Variants in ZFAND4 observed in about 807,000 individuals in gnomAD.
The protein encoded by ZFAND4 is zinc finger AN1-type containing 4, also known as AN1-type zinc finger protein 4.
In ZFAND4, 43 loss-of-function variants were observed where a neutral mutation model predicts 64.4. That is an observed-to-expected ratio of 0.67 (90% CI 0.52 to 0.86). The LOEUF (loss-of-function observed/expected upper bound fraction) is 0.86, where lower values mean the gene tolerates loss of function less well. Among genes scored for constraint, ZFAND4 ranks in the 40% least tolerant of loss-of-function variants. The pLI is 0.00. For missense variants in ZFAND4, 929 were observed against 859.8 expected (o/e 1.08, Z -1.01); for synonymous variants, 296 against 305.7 (o/e 0.97, Z 0.33).
Position 45,644,673 on chromosome 10 carries a change from T to C in ZFAND4, c.569+3621A>G, listed in dbSNP as rs74346605. Among the ~76,000 whole-genome samples the C allele has an allele frequency of 8.3e-3, 1,261 of 152,312 alleles. 17 individuals carry two copies. The highest frequency in any genetic ancestry group is 0.051 in the East Asian group (262 of 5,176). ...ACAATTTCTCAAAAAGTTGATAGAA[T>C]TGGAAGTAATGTCAACAGCTGATTT... is the stretch of plus-strand genomic sequence containing the variant. On this transcript the variant is annotated intron_variant, in intron 5 of 9. Coordinates refer to ENST00000344646, the MANE Select transcript of ZFAND4 (RefSeq NM_174890.4).
chr10:45,659,179 G>A (rs2048317823), intron 2 of ZFAND4, among the ~76,000 whole-genome samples: 1 of 152,168 alleles, frequency 6.6e-6, no homozygotes, highest in African/African-American at 2.4e-5. Flanking sequence ...TAAACTACTA[G>A]AAGTTGAAGG....
At chr10:45,651,377 G>T (rs1446309744) in intron 4 of ZFAND4, 2 of 326,526 alleles carry the variant, frequency 6.1e-6, no homozygotes, top group East Asian at 1.5e-4. Context: ...CACATTTATT[G>T]TAGGCACTGT....
rs2045172358 is a variant in ZFAND4 at position 45,618,482 on chromosome 10, A to G, written c.1928-222T>C. ...GGTAGGTTTCTACTGATTAGCACTT[A>G]TATTTTTAGAACTTTTTATACACAC... On this transcript the variant is annotated intron_variant, in intron 8 of 9. Coordinates refer to ENST00000344646, the MANE Select transcript of ZFAND4 (RefSeq NM_174890.4). Among the ~76,000 whole-genome samples, 4 of 152,190 alleles carry G rather than the reference A, an allele frequency of 2.6e-5. No homozygotes were observed. The South Asian group carries it at 8.3e-4, about 32-fold the overall frequency.
At chr10:45,640,423 T>TAAAAA (rs35229531) in intron 5 of ZFAND4, 68 of 917,806 alleles carry the variant, frequency 7.4e-5, no homozygotes, top group African/African-American at 4.3e-4. Context: ...AGATTCTCAC[T>TAAAAA]AAAAAAAAAA....
At chr10:45,649,498 A>G (rs1297638893) in intron 4 of ZFAND4, among the ~76,000 whole-genome samples, 4 of 152,188 alleles carry the variant, frequency 2.6e-5, no homozygotes, top group Admixed American at 6.5e-5. Context: ...GTGGTGCTCT[A>G]CAACCCTTTA....
rs2048615724 is a variant in ZFAND4 at position 45,663,573 on chromosome 10, A to T, written c.153T>A (p.Ile51=). The T allele has an allele frequency of 6.2e-7, 1 of 1,602,560 alleles. No homozygotes were observed. The highest frequency in any genetic ancestry group is 1.3e-5 in the African/African-American group (1 of 74,212). The part of the protein sequence containing the change: ...ELRVSPFETV[I]SVKAKIRRLE... Reference sequence around the variant, plus strand: ...ATCTTCGAATTTTTGCTTTCACAGAAATAACAGTTTCAAAAGGTGAAACTC... The same window carrying T: ...ATCTTCGAATTTTTGCTTTCACAGATATAACAGTTTCAAAAGGTGAAACTC... The change falls in exon 2 of 10, where the codon ATT becomes ATA. Residue 51 remains isoleucine (I), a synonymous_variant. Transcript: ENST00000344646.
intron 2 of ZFAND4, among the ~76,000 whole-genome samples, chr10:45,659,269 G>C (rs1252318427): frequency 1.3e-5 from 2 of 152,204 alleles, no homozygotes; most frequent in Admixed American, 6.5e-5. Flanking sequence ...TAAGATTACA[G>C]AATGTTCCCC....
In ZFAND4 at chr10:45,626,936, A is replaced by T. The variant is rs201953415; in HGVS notation, c.887T>A (p.Ile296Asn). 200 of 1,614,108 alleles carry T rather than the reference A, an allele frequency of 1.2e-4. No individual in the cohort carries two copies. Among genetic ancestry groups the T allele is most frequent in the Non-Finnish European group, 1.6e-4 (190 of 1,180,048 alleles). The change falls in exon 7 of 10, where the codon ATT becomes AAT. Residue 296 changes from isoleucine to asparagine, a missense_variant. Ile to Asn is a moderately radical substitution (Grantham distance 149, BLOSUM62 -3). Coordinates refer to ENST00000344646, the MANE Select transcript of ZFAND4 (RefSeq NM_174890.4). ...AGAGAGTTGAGTTGCCAAACTTGAA[A>T]TTCCATTCCTGGAGATTTCGGGCGG... ...AYPPEISRNG[I>N]SSLATQLSAE...
At chr10:45,639,257 T>A (rs192833282) in intron 6 of ZFAND4, among the ~76,000 whole-genome samples, 248 of 152,136 alleles carry the variant, frequency 1.6e-3, no homozygotes, top group Non-Finnish European at 2.3e-3. Context: ...TTAAAAAGGG[T>A]ATCCAAATGC....
intron 5 of ZFAND4, among the ~76,000 whole-genome samples, chr10:45,640,726 G>A (rs1477528678): frequency 2.6e-5 from 4 of 152,098 alleles, no homozygotes; most frequent in East Asian, 1.9e-4. Context: ...TCCTGACCTC[G>A]TGATCCGCCT....
chr10:45,671,480 C>T (rs945224201), intron 1 of ZFAND4, among the ~76,000 whole-genome samples: 3 of 150,774 alleles, frequency 2.0e-5, no homozygotes, highest in African/African-American at 7.3e-5. Flanking sequence ...CACATATACA[C>T]CATGGAATAC....
Position 45,631,895 on chromosome 10 carries a change from A to AT in ZFAND4, c.718-4791_718-4790insA, listed in dbSNP as rs1345801056. On this transcript the variant is annotated intron_variant, in intron 6 of 9. Transcript: ENST00000344646. ...AAGAAAAACCTACAATTAATATCAT[A>AT]CATAATGGTAAAAACAAATAAAAAT... Among the ~76,000 whole-genome samples, 10 of 152,222 alleles carry AT rather than the reference A, an allele frequency of 6.6e-5. No individual in the cohort carries two copies. In the East Asian group the frequency reaches 1.7e-3, roughly 26 times the overall value.
chr10:45,629,238 T>C (rs2046047948), intron 6 of ZFAND4, among the ~76,000 whole-genome samples: 1 of 152,078 alleles, frequency 6.6e-6, no homozygotes, highest in South Asian at 2.1e-4. Context: ...AATTTTTATA[T>C]TTTTTGTAGA....
chr10:45,616,697 G>A, intron 9 of ZFAND4, 126 bp from the exon 10 acceptor site: 1 of 845,240 alleles, frequency 1.2e-6, no homozygotes. Context: ...CAATTTCACT[G>A]CTGACATTTC....
In ZFAND4 at chr10:45,631,379, A is replaced by C. The variant is rs545565915; in HGVS notation, c.718-4274T>G. Among the ~76,000 whole-genome samples the C allele has an allele frequency of 4.5e-3, 684 of 151,538 alleles. 5 individuals carry two copies. Among genetic ancestry groups the C allele is most frequent in the African/African-American group, 0.016 (646 of 40,998 alleles). On this transcript the variant is annotated intron_variant, in intron 6 of 9. Transcript: ENST00000344646. ...AAAACAAATAAAGTACTAAAAAAAA[A>C]AAACATATAAATTCTAAGAAATAAT...
chr10:45,639,191 AT>A (rs2046826422), intron 6 of ZFAND4, among the ~76,000 whole-genome samples: 1 of 152,272 alleles, frequency 6.6e-6, no homozygotes, highest in East Asian at 1.9e-4. Context: ...TCCAAAAAAA[AT>A]CTGTAACAAA....
chr10:45,663,922 A>G (rs747576768), intron 1 of ZFAND4, 80 bp from the exon 2 acceptor site: 67 of 449,242 alleles, frequency 1.5e-4, no homozygotes, highest in Non-Finnish European at 2.2e-4. Context: ...ACTGTGGCCC[A>G]TATCAATCTT....
intron 2 of ZFAND4, among the ~76,000 whole-genome samples, chr10:45,656,150 G>T (rs2048083335): frequency 1.3e-5 from 2 of 152,298 alleles, no homozygotes; most frequent in Middle Eastern, 3.4e-3. Context: ...AGAATGGCTT[G>T]AACCCGGGAG....
intron 6 of ZFAND4, among the ~76,000 whole-genome samples, chr10:45,632,058 G>A (rs867938667): frequency 6.6e-6 from 1 of 152,142 alleles, no homozygotes; most frequent in Admixed American, 6.5e-5. Flanking sequence ...CTGATCATAA[G>A]AATGGAATAC....
Sources: allele counts gnomAD v4.1 joint callset (sites outside exome capture counted in the v4.1 genomes callset), GRCh38; gene constraint gnomAD v4.1.1; transcripts MANE v1.5; gene names NCBI Gene and HGNC (gene_info 2026-07-23, HGNC 2026-07-21).